Variants in TJP1 observed in about 807,000 individuals in gnomAD.
The protein encoded by TJP1 is tight junction protein ZO-1.
In TJP1, 43 loss-of-function variants were observed where a neutral mutation model predicts 194.2. That is an observed-to-expected ratio of 0.22 (90% CI 0.17 to 0.29). TJP1 has a LOEUF of 0.29. Ranked by LOEUF, TJP1 falls within the 10% of genes least tolerant of loss-of-function variation. The probability of loss-of-function intolerance (pLI) is 1.00; values close to 1 mark genes in which losing one functional copy is unlikely to be tolerated. For synonymous variants in TJP1, 801 were observed against 779.0 expected (o/e 1.03, Z -0.47); for missense variants, 1,971 against 2,185.7 (o/e 0.90, Z 1.96).
chr15:29,936,256 T>TA (rs918182553), intron 2 of TJP1, among the ~76,000 whole-genome samples: 94 of 151,800 alleles, frequency 6.2e-4, no homozygotes, highest in Middle Eastern at 3.4e-3. Context: ...CTCTCCCACT[T>TA]AAAAAAAATG....
intron 1 of TJP1, among the ~76,000 whole-genome samples, chr15:29,958,716 G>A (rs1367227628): frequency 2.6e-5 from 4 of 152,090 alleles, no homozygotes; most frequent in African/African-American, 4.8e-5. Flanking sequence ...GGGCTCATGA[G>A]TATGCTCACC....
At chr15:29,738,707 T>G (rs1323067245) in intron 10 of TJP1, among the ~76,000 whole-genome samples, 1 of 151,836 alleles carries the variant, frequency 6.6e-6, no homozygotes, top group Non-Finnish European at 1.5e-5. Flanking sequence ...TGAAACCTCT[T>G]TAAATATTTC....
In TJP1 at chr15:29,729,753, A is replaced by C. The variant is rs977315449; in HGVS notation, c.2018-1734T>G. 5.9e-4 allele frequency among the ~76,000 whole-genome samples: 89 copies of C among 151,784 alleles called. 1 individual carries two copies. Among genetic ancestry groups the C allele is most frequent in the Middle Eastern group, 3.4e-3 (1 of 292 alleles). ...GAGAATGGCATGAACCCAGGAGGTGAAACTTGGAGCCTGGATCTGAGATCG... is the reference window on the plus strand; with the variant it reads ...GAGAATGGCATGAACCCAGGAGGTGCAACTTGGAGCCTGGATCTGAGATCG... On this transcript the variant is annotated intron_variant, in intron 15 of 27. Transcript: ENST00000614355.
intron 10 of TJP1, 87 bp downstream of exon 10, chr15:29,741,244 T>C: frequency 2.1e-6 from 2 of 943,508 alleles, no homozygotes; most frequent in South Asian, 1.6e-5. Flanking sequence ...TTAAAAAATA[T>C]ATGCAATATG....
rs183024069 is a variant in TJP1, at chr15:29,809,708, T to C, written c.28-9006A>G. Among the ~76,000 whole-genome samples, 120 of 152,166 alleles carry C rather than the reference T, an allele frequency of 7.9e-4. 1 individual carries two copies. The East Asian group carries it at 0.021, about 26-fold the overall frequency. On this transcript the variant is annotated intron_variant, in intron 1 of 27. Transcript: ENST00000614355. ...AAAAATACAAAAAATTAGCCAGGCA[T>C]GGTGGCAGATGCCTGCAATCCCAGC...
At chr15:29,870,057 C>T (rs1050923964) in intron 2 of TJP1, among the ~76,000 whole-genome samples, 1 of 151,908 alleles carries the variant, frequency 6.6e-6, no homozygotes, top group Admixed American at 6.6e-5. Context: ...GAACTCCTGA[C>T]CTCAGGCAAT....
intron 2 of TJP1, among the ~76,000 whole-genome samples, chr15:29,873,518 T>C (rs2052597179): frequency 1.3e-5 from 2 of 152,200 alleles, no homozygotes; most frequent in South Asian, 4.1e-4. Context: ...GATGAGTCAG[T>C]TTCTTTTTTG....
intron 2 of TJP1, among the ~76,000 whole-genome samples, chr15:29,881,138 A>G (rs2052913671): frequency 2.0e-5 from 3 of 152,136 alleles, no homozygotes; most frequent in South Asian, 4.1e-4. Flanking sequence ...CAGCTATCCT[A>G]ACAGATGTGA....
rs1185486842 is a variant in TJP1 at position 29,801,548 on chromosome 15, G to A, written c.28-846C>T. The stretch of plus-strand genomic sequence containing the variant: ...GGGATCTCGGCTCACTGCAAGCTCC[G>A]CCTCCCGGGTTCACGCCATTCTCCT... On this transcript the variant is annotated intron_variant, in intron 1 of 27. Coordinates refer to ENST00000614355, the MANE Select transcript of TJP1 (RefSeq NM_001330239.4). 8.8e-5 allele frequency among the ~76,000 whole-genome samples: 13 copies of A among 148,422 alleles called. No individual in the cohort carries two copies. The South Asian group carries it at 1.9e-3, about 22-fold the overall frequency.
At chr15:29,737,211 T>C (rs1348240340) in intron 11 of TJP1, 53 bp downstream of exon 11, 30 of 1,592,670 alleles carry the variant, frequency 1.9e-5, no homozygotes, top group Non-Finnish European at 2.4e-5. Flanking sequence ...TTGATACCTT[T>C]TTCTGGTGAT....
At position 29,742,645 on chromosome 15, in the gene TJP1, G is replaced by T; in HGVS notation, c.1147C>A (p.Pro383Thr). Residue 383 changes from proline to threonine, a missense_variant, in exon 9 of 28, where the codon CCA (proline) becomes ACA (threonine). Around this residue, in one of 5 missense-constraint regions of TJP1, gnomAD observed 192 missense variants for 182.3 expected, o/e 1.05. Transcript: ENST00000614355. ...ERNEKQTPSL[P>T]EPKPVYAQVG... The stretch of plus-strand genomic sequence containing the variant: ...CTTAGTGTTTCGTTATGCTTACCTG[G>T]AAGAGAAGGTGTTTGTTTCTCATTT... 1 of 1,577,110 alleles carries T rather than the reference G, an allele frequency of 6.3e-7. No homozygotes were observed.
At chr15:29,957,947 C>G (rs2152316020) in intron 1 of TJP1, among the ~76,000 whole-genome samples, 1 of 152,318 alleles carries the variant, frequency 6.6e-6, no homozygotes, top group East Asian at 1.9e-4. Flanking sequence ...CACTCAACTT[C>G]TCCATGTCCT....
At chr15:29,772,623 G>A (rs1263451882) in intron 3 of TJP1, among the ~76,000 whole-genome samples, 2 of 152,090 alleles carry the variant, frequency 1.3e-5, no homozygotes, top group Non-Finnish European at 1.5e-5. Flanking sequence ...GAATAAAAAG[G>A]GTGGCAAGAC....
At chr15:29,864,725 T>A (rs1304250267) in intron 2 of TJP1, among the ~76,000 whole-genome samples, 1 of 152,106 alleles carries the variant, frequency 6.6e-6, no homozygotes, top group African/African-American at 2.4e-5. Context: ...AGGCTTCCAG[T>A]TCCTGTCTGT....
chr15:29,859,196 A>G (rs2051977053), intron 2 of TJP1, among the ~76,000 whole-genome samples: 1 of 152,236 alleles, frequency 6.6e-6, no homozygotes, highest in South Asian at 2.1e-4. Context: ...ACTATATAAA[A>G]CATTTTAAAC....
In TJP1 at chr15:29,747,201, C is replaced by T. The variant is rs535901184; in HGVS notation, c.1011-4420G>A. 9.2e-5 allele frequency among the ~76,000 whole-genome samples: 14 copies of T among 152,270 alleles called. No individual in the cohort carries two copies. In the South Asian group the frequency reaches 2.7e-3, roughly 29 times the overall value. ...TTCGGAGGTTGAGGCACAAGAATCGCTTAAACCTGGGAGGCAGAGGTTGCA... is the reference window on the plus strand; with the variant it reads ...TTCGGAGGTTGAGGCACAAGAATCGTTTAAACCTGGGAGGCAGAGGTTGCA... On this transcript the variant is annotated intron_variant, in intron 8 of 27. Coordinates refer to ENST00000614355, the MANE Select transcript of TJP1 (RefSeq NM_001330239.4).
At chr15:29,739,610 A>AT (rs1230848277) in intron 10 of TJP1, among the ~76,000 whole-genome samples, 1 of 151,414 alleles carries the variant, frequency 6.6e-6, no homozygotes, top group African/African-American at 2.4e-5. Context: ...CGCCCGGCTA[A>AT]TTTTTTTGTA....
chr15:29,956,170 A>C, intron 2 of TJP1: 1 of 1,106,088 alleles, frequency 9.0e-7, no homozygotes, highest in Non-Finnish European at 1.1e-6. Flanking sequence ...TTATGAAAAT[A>C]ATAAAATAAA....
intron 27 of TJP1, among the ~76,000 whole-genome samples, chr15:29,703,640 T>A (rs11857983): frequency 1 from 151,938 of 152,102 alleles, 75,887 homozygotes; most frequent in Non-Finnish European, 1. Context: ...TATTTGGCCA[T>A]ATTATCAAAA....
Sources: gnomAD v4.1 joint callset for allele counts (sites outside exome capture counted in the v4.1 genomes callset) on GRCh38, gnomAD v4.1.1 for gene constraint, gnomAD v4.1.1 regional missense constraint, MANE v1.5 for transcripts, NCBI Gene and HGNC (gene_info 2026-07-23, HGNC 2026-07-21) for gene names.